PTPRD: variants seen among roughly 807,000 people sequenced by gnomAD.
The protein encoded by PTPRD is protein tyrosine phosphatase receptor type D.
Under a neutral mutation model 214.5 loss-of-function variants are expected in PTPRD, and 34 were observed. The observed-to-expected ratio is 0.16, with a 90% confidence interval of 0.12 to 0.21. PTPRD has a LOEUF of 0.21. Ranked by LOEUF, PTPRD falls within the 10% of genes least tolerant of loss-of-function variation. PTPRD has a pLI of 1.00. For missense variants in PTPRD, 2,545 were observed against 2,398.7 expected, an observed-to-expected ratio of 1.06 and a Z score of -1.27; for synonymous variants, 1,128 against 845.7, an observed-to-expected ratio of 1.33 and a Z score of -5.79.
chr9:9,954,304 A>AAC (rs1302301788), intron 4 of PTPRD, among the ~76,000 whole-genome samples: 4 of 145,734 alleles, frequency 2.7e-5, no homozygotes, highest in Non-Finnish European at 6.0e-5. Context: ...AAACAAAAAA[A>AAC]AAAAAAAAAA....
chr9:8,808,105 A>G (rs962264902), intron 11 of PTPRD, among the ~76,000 whole-genome samples: 1 of 152,050 alleles, frequency 6.6e-6, no homozygotes, highest in Admixed American at 6.6e-5. Flanking sequence ...ACCACTTTAA[A>G]CTCAAAAGTA....
chr9:10,546,965 G>A (rs1428503891), intron 2 of PTPRD, among the ~76,000 whole-genome samples: 3 of 151,978 alleles, frequency 2.0e-5, no homozygotes, highest in Admixed American at 1.3e-4. Context: ...TTTTTTAATC[G>A]TGTGAGGGAC....
chr9:8,885,050 T>C (rs1378351307), intron 11 of PTPRD, among the ~76,000 whole-genome samples: 6 of 152,308 alleles, frequency 3.9e-5, no homozygotes, highest in African/African-American at 1.2e-4. Flanking sequence ...ACTATGATAG[T>C]GCAAGTGAAG....
chr9:9,105,807 C>A (rs758815915), intron 10 of PTPRD, among the ~76,000 whole-genome samples: 27 of 152,224 alleles, frequency 1.8e-4, no homozygotes, highest in Non-Finnish European at 3.5e-4. Context: ...GTGTCAGTAC[C>A]ATTTTGGGGT....
At chr9:10,085,043 G>T (rs902770579) in intron 3 of PTPRD, among the ~76,000 whole-genome samples, 1 of 151,878 alleles carries the variant, frequency 6.6e-6, no homozygotes, top group South Asian at 2.1e-4. Context: ...GATGTCCTCT[G>T]GGTGTGTAGT....
intron 35 of PTPRD, among the ~76,000 whole-genome samples, chr9:8,407,310 T>C (rs1289726767): frequency 6.6e-6 from 1 of 152,174 alleles, no homozygotes; most frequent in East Asian, 1.9e-4. Flanking sequence ...AGGTATTGTT[T>C]TTTTCCATTT....
intron 8 of PTPRD, chr9:9,414,897 G>C (rs112129417): frequency 2.5e-4 from 38 of 152,146 alleles, no homozygotes; most frequent in Non-Finnish European, 4.4e-4. Flanking sequence ...ATAATTACCT[G>C]CTGGCCAACA....
chr9:10,183,703 G>A (rs2099313988), intron 3 of PTPRD, among the ~76,000 whole-genome samples: 1 of 152,050 alleles, frequency 6.6e-6, no homozygotes, highest in South Asian at 2.1e-4. Context: ...GTAAGTGAAG[G>A]GGACAAAGAG....
intron 7 of PTPRD, among the ~76,000 whole-genome samples, chr9:9,612,046 TGAGA>T (rs1371336245): frequency 6.6e-6 from 1 of 152,096 alleles, no homozygotes; most frequent in African/African-American, 2.4e-5. Flanking sequence ...TTTTCAGCTT[TGAGA>T]GACATAATTT....
intron 5 of PTPRD, among the ~76,000 whole-genome samples, chr9:9,931,604 C>G (rs1219444164): frequency 6.6e-6 from 1 of 151,946 alleles, no homozygotes; most frequent in Non-Finnish European, 1.5e-5. Flanking sequence ...TGATTGCTAG[C>G]ACAGCAGTCT....
At chr9:8,532,151 A>T (rs1198649853) in intron 14 of PTPRD, among the ~76,000 whole-genome samples, 1 of 152,044 alleles carries the variant, frequency 6.6e-6, no homozygotes, top group Non-Finnish European at 1.5e-5. Flanking sequence ...TTAAATTTTC[A>T]TGAGAAACAT....
At chr9:9,207,279 A>ATGGAGATATTTAAT (rs2099945447) in intron 9 of PTPRD, among the ~76,000 whole-genome samples, 1 of 152,200 alleles carries the variant, frequency 6.6e-6, no homozygotes, top group African/African-American at 2.4e-5. Context: ...TTTAATAGAC[A>ATGGAGATATTTAAT]ACCGCATGGA....
At chr9:9,982,206 G>A (rs1019532639) in intron 4 of PTPRD, among the ~76,000 whole-genome samples, 1 of 152,026 alleles carries the variant, frequency 6.6e-6, no homozygotes, top group Non-Finnish European at 1.5e-5. Flanking sequence ...TCCTAACCTT[G>A]ACAAGCCTTT....
intron 3 of PTPRD, among the ~76,000 whole-genome samples, chr9:10,060,776 TTTTCTTTC>T (rs759874831): frequency 1.5e-5 from 2 of 132,142 alleles, no homozygotes; most frequent in East Asian, 2.0e-4. Flanking sequence ...CAGGTCTTGC[TTTTCTTTC>T]TTTCTTTCTT....
chr9:8,817,666 T>C (rs1386910039), intron 11 of PTPRD, among the ~76,000 whole-genome samples: 7 of 152,062 alleles, frequency 4.6e-5, no homozygotes, highest in Non-Finnish European at 8.8e-5. Context: ...CAAAACAAAA[T>C]AAAATATACC....
chr9:9,284,687 G>A (rs1296849438), intron 9 of PTPRD, among the ~76,000 whole-genome samples: 1 of 151,694 alleles, frequency 6.6e-6, no homozygotes, highest in African/African-American at 2.4e-5. Context: ...AGGAAATACT[G>A]AAAATGAAGA....
chr9:10,212,120 C>A (rs2099520254), intron 3 of PTPRD, among the ~76,000 whole-genome samples: 1 of 152,062 alleles, frequency 6.6e-6, no homozygotes, highest in African/African-American at 2.4e-5. Flanking sequence ...TTACACTATA[C>A]CATTCTCTCA....
At chr9:9,615,148 C>T (rs1438074276) in intron 7 of PTPRD, among the ~76,000 whole-genome samples, 5 of 152,140 alleles carry the variant, frequency 3.3e-5, no homozygotes, top group Non-Finnish European at 7.4e-5. Context: ...GGCAATATTT[C>T]CACAGACACC....
chr9:9,253,935 T>C (rs2099976558), intron 9 of PTPRD, among the ~76,000 whole-genome samples: 1 of 152,108 alleles, frequency 6.6e-6, no homozygotes, highest in Non-Finnish European at 1.5e-5. Context: ...GTTCAGCCTC[T>C]GGCAGTTGCC....
Sources: allele counts gnomAD v4.1 joint callset (sites outside exome capture counted in the v4.1 genomes callset), GRCh38; gene constraint gnomAD v4.1.1; transcripts MANE v1.5; gene names NCBI Gene and HGNC (gene_info 2026-07-23, HGNC 2026-07-21).